TBX20: variants seen among roughly 807,000 people sequenced by gnomAD.
TBX20 encodes the protein T-box transcription factor 20.
In TBX20, 8 loss-of-function variants were observed where a neutral mutation model predicts 42.9. The ratio of observed to expected loss-of-function variants is 0.19; its 90% CI spans 0.11 to 0.34. The LOEUF is 0.34. Among genes scored for constraint, TBX20 ranks in the 10% least tolerant of loss-of-function variants. The probability of loss-of-function intolerance (pLI) is 1.00; values close to 1 mark genes in which losing one functional copy is unlikely to be tolerated. For synonymous variants in TBX20, 198 were observed against 222.8 expected, an observed-to-expected ratio of 0.89 and a Z score of 0.99; for missense variants, 411 against 566.0, an observed-to-expected ratio of 0.73 and a Z score of 2.78.
At chr7:35,247,582 A>T (rs1790218232) in intron 3 of TBX20, among the ~76,000 whole-genome samples, 1 of 152,146 alleles carries the variant, frequency 6.6e-6, no homozygotes, top group Non-Finnish European at 1.5e-5. Flanking sequence ...TTCTATCTGA[A>T]CCATATGTGT....
At chr7:35,238,709 T>C (rs889097418) in intron 5 of TBX20, among the ~76,000 whole-genome samples, 1 of 152,236 alleles carries the variant, frequency 6.6e-6, no homozygotes, top group Non-Finnish European at 1.5e-5. Context: ...ATTAGTGCTT[T>C]AGGCCTTTGT....
chr7:35,238,904 A>C (rs537239966), intron 5 of TBX20, among the ~76,000 whole-genome samples: 1 of 151,736 alleles, frequency 6.6e-6, no homozygotes, highest in Non-Finnish European at 1.5e-5. Flanking sequence ...TTAAAATACA[A>C]ATGGTGACAA....
In TBX20 at chr7:35,202,489, G is replaced by A. The variant is rs1789318823; in HGVS notation, c.1285C>T (p.Pro429Ser). 1 of 1,607,918 alleles carries A rather than the reference G, an allele frequency of 6.2e-7. No individual in the cohort carries two copies. Among genetic ancestry groups the A allele is most frequent in the Non-Finnish European group, 8.5e-7 (1 of 1,177,182 alleles). ...PRYHHYFQQG[P>S]YAAIQGLRHS... The stretch of plus-strand genomic sequence containing the variant: ...CGTAGTCCTTGAATGGCAGCATAGG[G>A]CCCCTGCTGAAAATAGTGATGGTAT... The change falls in exon 8 of 8, where the codon CCC (proline) becomes TCC (serine). Residue 429 changes from proline (P) to serine (S), a missense_variant. Coordinates refer to ENST00000408931, the MANE Select transcript of TBX20 (RefSeq NM_001077653.2).
At chr7:35,217,176 A>C (rs1789605303) in intron 6 of TBX20, among the ~76,000 whole-genome samples, 1 of 152,186 alleles carries the variant, frequency 6.6e-6, no homozygotes, top group Admixed American at 6.5e-5. Context: ...TATTTGACTT[A>C]ATCTTACTGA....
chr7:35,252,854 G>A (rs1251399726), intron 1 of TBX20, among the ~76,000 whole-genome samples: 1 of 152,154 alleles, frequency 6.6e-6, no homozygotes, highest in Non-Finnish European at 1.5e-5. Flanking sequence ...AATGGTAAAG[G>A]TTGTTAAACA....
At chr7:35,219,004 G>A (rs73691648) in intron 6 of TBX20, among the ~76,000 whole-genome samples, 571 of 152,282 alleles carry the variant, frequency 3.7e-3, no homozygotes, top group African/African-American at 0.013. Context: ...AGCCTCCAGA[G>A]TTGTAAGAAA....
chr7:35,204,607 G>A (rs953815784), intron 6 of TBX20, 25 bp from the exon 7 acceptor site: 5 of 1,558,518 alleles, frequency 3.2e-6, no homozygotes, highest in African/African-American at 2.7e-5. Context: ...CATATCACAG[G>A]TTAAGTAAAA....
intron 4 of TBX20, among the ~76,000 whole-genome samples, chr7:35,244,450 A>C (rs1790142032): frequency 6.6e-6 from 1 of 152,248 alleles, no homozygotes; most frequent in Admixed American, 6.5e-5. Flanking sequence ...TAATGAGTAA[A>C]CAGCACTTTC....
chr7:35,248,541 G>C (rs1790238160), intron 3 of TBX20, 136 bp downstream of exon 3: 1 of 910,512 alleles, frequency 1.1e-6, no homozygotes, highest in Non-Finnish European at 1.8e-6. Context: ...GTCAATCCTG[G>C]AGTGTCCAGG....
At chr7:35,218,417 C>T (rs2908045) in intron 6 of TBX20, among the ~76,000 whole-genome samples, 79,580 of 151,600 alleles carry the variant, frequency 0.52, 21,127 homozygotes, top group Admixed American at 0.61. Context: ...CCTGGGGCCC[C>T]AACTGCTGTG....
chr7:35,250,655 T>C lies in TBX20; in HGVS notation c.128-452A>G, dbSNP rs1156590522. ...CAAAGGGAGTGAAGAGATCAGCACC[T>C]TCCTCACCTGGAGAGGAACTTTCCT... On this transcript the variant is annotated intron_variant, in intron 1 of 7. Coordinates refer to ENST00000408931, the MANE Select transcript of TBX20 (RefSeq NM_001077653.2). 2.0e-5 allele frequency among the ~76,000 whole-genome samples: 3 copies of C among 152,192 alleles called. No homozygotes were observed. The East Asian group carries it at 5.8e-4, about 29-fold the overall frequency.
In TBX20 at chr7:35,248,726, G is replaced by T. The variant is rs1160642834; in HGVS notation, c.496C>A (p.Arg166=). 1 of 1,614,170 alleles carries T rather than the reference G, an allele frequency of 6.2e-7. No individual in the cohort carries two copies. Among genetic ancestry groups the T allele is most frequent in the East Asian group, 2.2e-5 (1 of 44,868 alleles). Residue 166 remains arginine, a synonymous_variant, in exon 3 of 8, where the codon CGG becomes AGG. Transcript: ENST00000408931. ...DNKRYRYAYH[R]SSWLVAGKAD... is the part of the protein sequence containing the mutation. ...TTGCCAGCCACCAGCCAGGAGGACC[G>T]GTGGTAGGCGTAGCGGTACCTCTTG...
chr7:35,221,789 GAGCAGTA>G (rs1254890707), intron 6 of TBX20, among the ~76,000 whole-genome samples: 1 of 152,126 alleles, frequency 6.6e-6, no homozygotes, highest in African/African-American at 2.4e-5. Context: ...CAGAAGAAAT[GAGCAGTA>G]AACAGTGAAT....
intron 6 of TBX20, among the ~76,000 whole-genome samples, chr7:35,226,186 GT>G (rs1362970034): frequency 2.6e-5 from 4 of 152,150 alleles, no homozygotes; most frequent in African/African-American, 9.6e-5. Context: ...TATAGTAAAT[GT>G]TTGTATTATT....
At chr7:35,240,098 T>C (rs1790046829) in intron 5 of TBX20, among the ~76,000 whole-genome samples, 1 of 152,200 alleles carries the variant, frequency 6.6e-6, no homozygotes, top group Non-Finnish European at 1.5e-5. Flanking sequence ...GTAAAAAGCA[T>C]AGGTTGAGTA....
chr7:35,227,158 T>C (rs1249612175), intron 6 of TBX20, among the ~76,000 whole-genome samples: 2 of 152,080 alleles, frequency 1.3e-5, no homozygotes, highest in Non-Finnish European at 2.9e-5. Flanking sequence ...TTTTGTACAG[T>C]TGTACAATGT....
At chr7:35,247,595 T>C (rs1475520760) in intron 3 of TBX20, among the ~76,000 whole-genome samples, 1 of 152,190 alleles carries the variant, frequency 6.6e-6, no homozygotes, top group Non-Finnish European at 1.5e-5. Context: ...ATATGTGTAA[T>C]TGTCTGTTGA....
rs1184559519 is a variant in TBX20, at chr7:35,253,707, G to A, written c.-87C>T. On this transcript the variant is annotated 5_prime_UTR_variant, in exon 1 of 8. Transcript: ENST00000408931. ...AAGGGAGACAAAGACCCGAAACACA[G>A]CTCAAAGTTTCCGAGAGCAGTCACA... The A allele has an allele frequency of 5.2e-6, 8 of 1,542,204 alleles. No homozygotes were observed. Among genetic ancestry groups the A allele is most frequent in the Non-Finnish European group, 7.0e-6 (8 of 1,147,046 alleles).
In TBX20 at chr7:35,203,856, C is replaced by T. The variant is rs540517958; in HGVS notation, c.1003+614G>A. On this transcript the variant is annotated intron_variant, in intron 7 of 7. Transcript: ENST00000408931. ...CAATGCAGAGGACTCTCTCCCCATA[C>T]GAACTTTACTGTTCCCAGAATGGAG... 4.8e-3 allele frequency among the ~76,000 whole-genome samples: 732 copies of T among 152,292 alleles called. 5 individuals are homozygous for T. The highest frequency in any genetic ancestry group is 7.1e-3 in the Non-Finnish European group (486 of 68,028).
Sources: gnomAD v4.1 joint callset for allele counts (sites outside exome capture counted in the v4.1 genomes callset) on GRCh38, gnomAD v4.1.1 for gene constraint, MANE v1.5 for transcripts, NCBI Gene and HGNC (gene_info 2026-07-23, HGNC 2026-07-21) for gene names.